ANK2: variants seen among roughly 807,000 people sequenced by gnomAD.
The protein encoded by ANK2 is ankyrin 2, also known as ankyrin-2.
Under a neutral mutation model 360.5 loss-of-function variants are expected in ANK2, and 83 were observed. That is an observed-to-expected ratio of 0.23 (90% confidence interval 0.19 to 0.28). The LOEUF (loss-of-function observed/expected upper bound fraction) is 0.28. Ranked by LOEUF, ANK2 falls within the 10% of genes least tolerant of loss-of-function variation. The probability of loss-of-function intolerance (pLI) is 1.00; values close to 1 mark genes in which losing one functional copy is unlikely to be tolerated. For synonymous variants in ANK2, 1,740 were observed against 1,759.5 expected, an observed-to-expected ratio of 0.99 and a Z score of 0.28; for missense variants, 4,201 against 4,795.7, an observed-to-expected ratio of 0.88 and a Z score of 3.66.
chr4:112,873,359 TC>T (rs1478734974), intron 1 of ANK2, among the ~76,000 whole-genome samples: 1 of 151,944 alleles, frequency 6.6e-6, no homozygotes, highest in Non-Finnish European at 1.5e-5. Context: ...ATTATAGGTG[TC>T]CCCTGCTTTC....
chr4:112,918,482 G>A lies in ANK2; in HGVS notation c.21+13968G>A, dbSNP rs536859701. Among the ~76,000 whole-genome samples, 3 of 152,244 alleles carry A rather than the reference G, an allele frequency of 2.0e-5. No individual in the cohort carries two copies. The East Asian group carries it at 5.8e-4, about 29-fold the overall frequency. On this transcript the variant is annotated intron_variant, in intron 2 of 30. Coordinates refer to the ANK2 transcript ENST00000503271. ...TGAAAGTAAGCTATTTGACAGTAGCGGGGAGACGTGGCGGAAACATCCAAG... is the reference window on the plus strand; with the variant it reads ...TGAAAGTAAGCTATTTGACAGTAGCAGGGAGACGTGGCGGAAACATCCAAG...
chr4:113,028,580 G>A (rs2059751171), intron 2 of ANK2, among the ~76,000 whole-genome samples: 1 of 152,094 alleles, frequency 6.6e-6, no homozygotes, highest in Non-Finnish European at 1.5e-5. Flanking sequence ...GAACAAAGGA[G>A]TAAAAGCCAA....
Position 113,330,381 on chromosome 4 carries a change from C to T in ANK2, c.3036C>T (p.His1012=), listed in dbSNP as rs1037322656. 1 of 1,614,142 alleles carries T rather than the reference C, an allele frequency of 6.2e-7. No individual in the cohort carries two copies. The highest frequency in any genetic ancestry group is 1.3e-5 in the African/African-American group (1 of 74,946). ...TRVTCRLVKR[H]RLATMPPMVE... ...TCACCTGCCGACTGGTCAAGCGCCACAGACTGGCAACAATGCCTCCAATGG... is the reference window on the plus strand; with the variant it reads ...TCACCTGCCGACTGGTCAAGCGCCATAGACTGGCAACAATGCCTCCAATGG... The change falls in exon 27 of 46, where the codon CAC becomes CAT. Residue 1012 remains histidine, a synonymous_variant. Coordinates refer to ENST00000357077, the MANE Select transcript of ANK2 (RefSeq NM_001148.6).
At chr4:112,796,467 C>T in the ANK2 span, among the ~76,000 whole-genome samples, 1 of 149,302 alleles carries the variant, frequency 6.7e-6, no homozygotes. Context: ...TATATATATA[C>T]ACACACACAC....
At chr4:113,029,058 G>A (rs529249131) in intron 2 of ANK2, among the ~76,000 whole-genome samples, 2 of 152,096 alleles carry the variant, frequency 1.3e-5, no homozygotes, top group Admixed American at 1.3e-4. Context: ...CAATAGAGTG[G>A]ATTTAGAAGA....
intron 2 of ANK2, among the ~76,000 whole-genome samples, chr4:113,041,309 C>G (rs969096920): frequency 6.6e-6 from 1 of 152,118 alleles, no homozygotes; most frequent in Non-Finnish European, 1.5e-5. Flanking sequence ...ATGCCCCACT[C>G]TGGTTTAATT....
At chr4:113,220,647 T>C (rs2099139904) in intron 4 of ANK2, among the ~76,000 whole-genome samples, 3 of 150,698 alleles carry the variant, frequency 2.0e-5, no homozygotes, top group Admixed American at 2.0e-4. Flanking sequence ...TCTTTGTTCA[T>C]TTTTGCAAAG....
chr4:113,291,329 A>G (rs1363599405), intron 20 of ANK2, among the ~76,000 whole-genome samples: 1 of 152,236 alleles, frequency 6.6e-6, no homozygotes, highest in African/African-American at 2.4e-5. Flanking sequence ...AGTCCCTGTA[A>G]TAGCCAAAGG....
At chr4:112,879,133 CAAAA>C (rs1170310468) in intron 1 of ANK2, among the ~76,000 whole-genome samples, 1 of 151,824 alleles carries the variant, frequency 6.6e-6, no homozygotes, top group Non-Finnish European at 1.5e-5. Context: ...AAACAAAAAA[CAAAA>C]AACTAGGGAT....
intron 2 of ANK2, among the ~76,000 whole-genome samples, chr4:112,931,180 A>C (rs1415242061): frequency 6.6e-6 from 1 of 152,080 alleles, no homozygotes; most frequent in Non-Finnish European, 1.5e-5. Flanking sequence ...CTAGGGAGAA[A>C]GGCTGGGTGC....
Position 113,192,148 on chromosome 4 carries a change from T to C in ANK2, c.187-4220T>C, listed in dbSNP as rs547765211. ...TTACGTAGGTATACGTGTGCTATGG[T>C]GGTTTGCCGCATCTATCAACCTGTC... is the stretch of plus-strand genomic sequence containing the variant. On this transcript the variant is annotated intron_variant, in intron 2 of 45. Transcript: ENST00000357077. Among the ~76,000 whole-genome samples, 43 of 152,332 alleles carry C rather than the reference T, an allele frequency of 2.8e-4. No homozygotes were observed. In the East Asian group the frequency reaches 7.7e-3, roughly 27 times the overall value.
the ANK2 span, among the ~76,000 whole-genome samples, chr4:112,801,315 A>C: frequency 6.6e-6 from 1 of 152,222 alleles, no homozygotes; most frequent in African/African-American, 2.4e-5. Flanking sequence ...GCCTTCCTGA[A>C]GATAAATGTA....
intron 22 of ANK2, among the ~76,000 whole-genome samples, chr4:113,299,617 A>C (rs2073860864): frequency 6.6e-6 from 1 of 151,666 alleles, no homozygotes; most frequent in Non-Finnish European, 1.5e-5. Flanking sequence ...AGGCAGGAGA[A>C]TGGCTTGAAC....
At chr4:113,327,660 G>A (rs1471743611) in intron 26 of ANK2, among the ~76,000 whole-genome samples, 1 of 152,144 alleles carries the variant, frequency 6.6e-6, no homozygotes, top group African/African-American at 2.4e-5. Context: ...GCACTTTTAT[G>A]GCTCCTATGT....
chr4:112,724,879 T>A, the ANK2 span, among the ~76,000 whole-genome samples: 1 of 152,206 alleles, frequency 6.6e-6, no homozygotes, highest in Admixed American at 6.5e-5. Context: ...TCCACTCATG[T>A]TCACAGCAGC....
chr4:113,340,495 C>T (rs2094144824), intron 32 of ANK2, among the ~76,000 whole-genome samples: 1 of 152,070 alleles, frequency 6.6e-6, no homozygotes, highest in Admixed American at 6.6e-5. Context: ...GAGTTCAAGA[C>T]TAGCTTGGGC....
chr4:113,219,010 C>T (rs1461571087), intron 4 of ANK2, among the ~76,000 whole-genome samples: 1 of 152,088 alleles, frequency 6.6e-6, no homozygotes, highest in Non-Finnish European at 1.5e-5. Context: ...TTTCTCAATG[C>T]CATAGGCCTA....
In ANK2 at chr4:113,364,809, G is replaced by A. The variant is rs114818715; in HGVS notation, c.10889-230G>A. ...TTTATCTGAAATTCAGGTATGGTGG[G>A]TGTCCTGTATGTTATCTGACAATTC... On this transcript the variant is annotated intron_variant, in intron 40 of 45. Coordinates refer to ENST00000357077, the MANE Select transcript of ANK2 (RefSeq NM_001148.6). 7.9e-3 allele frequency among the ~76,000 whole-genome samples: 1,204 copies of A among 152,274 alleles called. 16 individuals carry two copies. Among genetic ancestry groups the A allele is most frequent in the African/African-American group, 0.027 (1,141 of 41,556 alleles).
At chr4:113,281,222 T>C (rs1421178678) in intron 17 of ANK2, among the ~76,000 whole-genome samples, 1 of 152,152 alleles carries the variant, frequency 6.6e-6, no homozygotes, top group African/African-American at 2.4e-5. Context: ...TGCAGTTAGC[T>C]TTAAGGAAAT....
Sources: allele counts gnomAD v4.1 joint callset (sites outside exome capture counted in the v4.1 genomes callset), GRCh38; gene constraint gnomAD v4.1.1; transcripts MANE v1.5; gene names NCBI Gene and HGNC (gene_info 2026-07-23, HGNC 2026-07-21).